OXR1: variants seen among roughly 807,000 people sequenced by gnomAD.
The protein encoded by OXR1 is oxidation resistance 1.
In OXR1, 41 loss-of-function variants were observed where a neutral mutation model predicts 104.6. The ratio of observed to expected loss-of-function variants is 0.39; its 90% CI spans 0.31 to 0.51. The LOEUF (loss-of-function observed/expected upper bound fraction) is 0.51, where lower values mean the gene tolerates loss of function less well. Ranked by LOEUF, OXR1 falls within the 20% of genes least tolerant of loss-of-function variation. OXR1 has a pLI of 0.77. For synonymous variants in OXR1, 348 were observed against 348.4 expected (o/e 1.00, Z 0.01); for missense variants, 955 against 1,031.9 (o/e 0.93, Z 1.02).
chr8:106,368,065 G>C (rs1375574903), intron 2 of OXR1, among the ~76,000 whole-genome samples: 1 of 152,066 alleles, frequency 6.6e-6, no homozygotes, highest in African/African-American at 2.4e-5. Flanking sequence ...CCCTTACTAG[G>C]TTACAGGTGA....
chr8:106,277,211 C>T (rs530761581), intron 1 of OXR1, among the ~76,000 whole-genome samples: 2 of 152,122 alleles, frequency 1.3e-5, no homozygotes, highest in African/African-American at 4.8e-5. Context: ...CAGATGGAAA[C>T]TTTGAAAGAA....
intron 3 of OXR1, among the ~76,000 whole-genome samples, chr8:106,634,634 A>G (rs1024477664): frequency 1.3e-5 from 2 of 152,174 alleles, no homozygotes; most frequent in African/African-American, 4.8e-5. Context: ...CAAGTAGTTA[A>G]CTGAATCACA....
At chr8:106,649,491 TA>T (rs985792760) in intron 3 of OXR1, among the ~76,000 whole-genome samples, 5 of 141,904 alleles carry the variant, frequency 3.5e-5, no homozygotes, top group Non-Finnish European at 7.7e-5. Context: ...TAGTAAAAAA[TA>T]ATAATTTCAA....
At chr8:106,271,362 C>T (rs566255801) in intron 1 of OXR1, among the ~76,000 whole-genome samples, 1 of 152,136 alleles carries the variant, frequency 6.6e-6, no homozygotes, top group East Asian at 1.9e-4. Flanking sequence ...CTCGGGCTTC[C>T]GTTCAGTGGT....
chr8:106,707,403 C>G, intron 9 of OXR1: 1 of 583,200 alleles, frequency 1.7e-6, no homozygotes, highest in South Asian at 2.3e-5. Flanking sequence ...TACATCGTAT[C>G]ATTAAACAAT....
chr8:106,434,398 A>G (rs1459885951), intron 2 of OXR1, among the ~76,000 whole-genome samples: 4 of 152,180 alleles, frequency 2.6e-5, no homozygotes, highest in Non-Finnish European at 5.9e-5. Context: ...AGATGAGGAG[A>G]AAGAAATGAA....
At chr8:106,491,548 G>T (rs1052380428) in intron 2 of OXR1, among the ~76,000 whole-genome samples, 2 of 152,132 alleles carry the variant, frequency 1.3e-5, no homozygotes, top group Non-Finnish European at 2.9e-5. Flanking sequence ...TATATGATCT[G>T]TGGCATTTTA....
chr8:106,638,693 G>T (rs189285661), intron 3 of OXR1, among the ~76,000 whole-genome samples: 114 of 152,258 alleles, frequency 7.5e-4, no homozygotes, highest in African/African-American at 2.5e-3. Flanking sequence ...CTGAGTTCAG[G>T]ACTAGCCTGG....
At chr8:106,659,474 CT>C (rs1411930300) in intron 3 of OXR1, among the ~76,000 whole-genome samples, 1 of 152,128 alleles carries the variant, frequency 6.6e-6, no homozygotes, top group African/African-American at 2.4e-5. Context: ...TGTTTCTGCT[CT>C]GAAGGACGTT....
At chr8:106,683,382 TTAA>T (rs1474458225) in intron 5 of OXR1, 76 bp downstream of exon 5, 1 of 616,160 alleles carries the variant, frequency 1.6e-6, no homozygotes, top group African/African-American at 1.9e-5. Context: ...TGTACTGTAG[TTAA>T]TAATATAGAA....
At chr8:106,403,117 G>A (rs2130481253) in intron 2 of OXR1, among the ~76,000 whole-genome samples, 1 of 152,318 alleles carries the variant, frequency 6.6e-6, no homozygotes, top group Admixed American at 6.5e-5. Flanking sequence ...TCAAGTCTGG[G>A]AATTGATTGA....
intron 3 of OXR1, among the ~76,000 whole-genome samples, chr8:106,610,193 T>C (rs1820711813): frequency 6.6e-6 from 1 of 151,884 alleles, no homozygotes; most frequent in Admixed American, 6.6e-5. Flanking sequence ...CCCTCCCAAG[T>C]CCCCACCAAC....
At chr8:106,372,493 C>T (rs943364431) in intron 2 of OXR1, among the ~76,000 whole-genome samples, 6 of 151,892 alleles carry the variant, frequency 4.0e-5, no homozygotes, top group Non-Finnish European at 8.8e-5. Context: ...TGTTAAGCAT[C>T]CCTAATTTGA....
chr8:106,551,208 A>G (rs1031287241), intron 3 of OXR1, among the ~76,000 whole-genome samples: 1 of 152,218 alleles, frequency 6.6e-6, no homozygotes, highest in Non-Finnish European at 1.5e-5. Flanking sequence ...ATTCCAGAAC[A>G]CTATATCTAT....
intron 3 of OXR1, among the ~76,000 whole-genome samples, chr8:106,652,672 A>G (rs1824692456): frequency 6.6e-6 from 1 of 150,564 alleles, no homozygotes; most frequent in African/African-American, 2.4e-5. Context: ...TCAAATCAAT[A>G]GCCTAACCTT....
At chr8:106,343,252 A>G (rs895376433) in intron 1 of OXR1, among the ~76,000 whole-genome samples, 4 of 152,164 alleles carry the variant, frequency 2.6e-5, no homozygotes, top group Non-Finnish European at 5.9e-5. Context: ...CCCTACTCAA[A>G]ATCCTTCCCT....
At chr8:106,527,201 A>T (rs927251066) in intron 3 of OXR1, among the ~76,000 whole-genome samples, 1 of 152,202 alleles carries the variant, frequency 6.6e-6, no homozygotes, top group African/African-American at 2.4e-5. Flanking sequence ...TAAAGTACTT[A>T]TATTAGTGCC....
intron 3 of OXR1, among the ~76,000 whole-genome samples, chr8:106,641,983 G>T (rs561905144): frequency 6.6e-6 from 1 of 151,900 alleles, no homozygotes; most frequent in African/African-American, 2.4e-5. Flanking sequence ...TATTGCCCTG[G>T]CTAGGCTTGA....
chr8:106,606,039 G>T (rs1348297499), intron 3 of OXR1, among the ~76,000 whole-genome samples: 2 of 152,100 alleles, frequency 1.3e-5, no homozygotes, highest in East Asian at 3.9e-4. Context: ...TCATGCAAAA[G>T]TTAGTGGCTT....
Sources: gnomAD v4.1 joint callset for allele counts (sites outside exome capture counted in the v4.1 genomes callset) on GRCh38, gnomAD v4.1.1 for gene constraint, MANE v1.5 for transcripts, NCBI Gene and HGNC (gene_info 2026-07-23, HGNC 2026-07-21) for gene names.